The following CDH18 variants were observed in gnomAD, a reference collection of about 807,000 sequenced individuals.
The protein encoded by CDH18 is cadherin 18.
A neutral mutation model predicts 67.9 loss-of-function variants in CDH18; 31 were observed. That is an observed-to-expected ratio of 0.46 (90% CI 0.34 to 0.62). The LOEUF (loss-of-function observed/expected upper bound fraction) is 0.62, where lower values mean the gene tolerates loss of function less well. Among genes scored for constraint, CDH18 ranks in the 20% least tolerant of loss-of-function variants. CDH18 has a pLI of 0.01. For synonymous variants in CDH18, 362 were observed against 347.2 expected, an observed-to-expected ratio of 1.04 and a Z score of -0.48; for missense variants, 890 against 975.5, an observed-to-expected ratio of 0.91 and a Z score of 1.17.
At chr5:20,209,304 C>T (rs1373924694) in intron 2 of CDH18, among the ~76,000 whole-genome samples, 3 of 152,082 alleles carry the variant, frequency 2.0e-5, no homozygotes, top group Non-Finnish European at 4.4e-5. Flanking sequence ...TGTGAACTCT[C>T]ATGCTTATTG....
At chr5:20,209,998 G>A (rs1358348093) in intron 2 of CDH18, among the ~76,000 whole-genome samples, 3 of 150,906 alleles carry the variant, frequency 2.0e-5, no homozygotes, top group Non-Finnish European at 4.4e-5. Flanking sequence ...AAATAATAAT[G>A]TAAGATTAAT....
intron 1 of CDH18, among the ~76,000 whole-genome samples, chr5:20,320,857 G>A (rs1047675663): frequency 2.6e-5 from 4 of 152,112 alleles, no homozygotes; most frequent in African/African-American, 9.7e-5. Flanking sequence ...CTGCACTGCA[G>A]GCAACTCTAG....
chr5:19,837,034 A>G (rs994390813), intron 3 of CDH18, among the ~76,000 whole-genome samples: 1 of 152,162 alleles, frequency 6.6e-6, no homozygotes, highest in Non-Finnish European at 1.5e-5. Flanking sequence ...GATAAACTGG[A>G]TAAATAAAAT....
intron 3 of CDH18, among the ~76,000 whole-genome samples, chr5:19,754,224 G>C (rs1771230682): frequency 6.6e-6 from 1 of 152,066 alleles, no homozygotes; most frequent in Admixed American, 6.6e-5. Context: ...CTGCAGAATG[G>C]ATAAGAATTC....
At chr5:20,203,515 C>A (rs1313031351) in intron 2 of CDH18, among the ~76,000 whole-genome samples, 1 of 151,220 alleles carries the variant, frequency 6.6e-6, no homozygotes, top group Non-Finnish European at 1.5e-5. Flanking sequence ...TTACTACATT[C>A]AAAGAAAATC....
chr5:19,608,972 A>G (rs915612979), intron 6 of CDH18, among the ~76,000 whole-genome samples: 1 of 151,936 alleles, frequency 6.6e-6, no homozygotes, highest in African/African-American at 2.4e-5. Flanking sequence ...TTTGTTTTGT[A>G]AACTTTCATG....
chr5:20,139,387 A>G (rs1561822427), intron 2 of CDH18, among the ~76,000 whole-genome samples: 1 of 152,228 alleles, frequency 6.6e-6, no homozygotes, highest in Admixed American at 6.5e-5. Context: ...AGGAAATTCC[A>G]TTCAGGACAT....
At chr5:19,755,496 T>C (rs1038191873) in intron 3 of CDH18, among the ~76,000 whole-genome samples, 2 of 104,050 alleles carry the variant, frequency 1.9e-5, no homozygotes, top group Middle Eastern at 4.9e-3. Flanking sequence ...TATACACATA[T>C]ATATACACAC....
chr5:20,400,109 TATA>T lies in CDH18; in HGVS notation c.-579-144607_-579-144605del, dbSNP rs1399083307. 5.3e-5 allele frequency among the ~76,000 whole-genome samples: 8 copies of T among 152,340 alleles called. No homozygotes were observed. The East Asian group carries it at 1.2e-3, about 22-fold the overall frequency. ...TATTGGTGGTCACCATGTTTGATAA[TATA>T]ATAATATCGACTCATCTACATGTTT... On this transcript the variant is annotated intron_variant, in intron 1 of 14. Transcript: ENST00000507958.
chr5:20,343,952 G>T (rs1173494010), intron 1 of CDH18, among the ~76,000 whole-genome samples: 1 of 152,150 alleles, frequency 6.6e-6, no homozygotes, highest in Non-Finnish European at 1.5e-5. Context: ...AAACAGCTAA[G>T]TTAGCAGCAA....
chr5:19,709,239 T>C (rs1485220420), intron 5 of CDH18, among the ~76,000 whole-genome samples: 1 of 151,936 alleles, frequency 6.6e-6, no homozygotes, highest in Non-Finnish European at 1.5e-5. Flanking sequence ...TGATACTGCA[T>C]AGGATGGGAG....
intron 1 of CDH18, among the ~76,000 whole-genome samples, chr5:20,384,987 C>A (rs537510564): frequency 6.6e-6 from 1 of 152,114 alleles, no homozygotes; most frequent in African/African-American, 2.4e-5. Context: ...CGGGTGCCCA[C>A]CACCATGCCC....
intron 2 of CDH18, among the ~76,000 whole-genome samples, chr5:20,227,657 A>G (rs1741738922): frequency 6.6e-6 from 1 of 151,636 alleles, no homozygotes; most frequent in Admixed American, 6.6e-5. Flanking sequence ...TTTTATTTAA[A>G]TTTTATTTTT....
At chr5:19,773,259 G>A (rs1275683728) in intron 3 of CDH18, among the ~76,000 whole-genome samples, 1 of 152,104 alleles carries the variant, frequency 6.6e-6, no homozygotes. Flanking sequence ...CACATCAGAA[G>A]TCTGAAAAGG....
At chr5:19,781,119 A>AT (rs1455839468) in intron 3 of CDH18, among the ~76,000 whole-genome samples, 1 of 152,136 alleles carries the variant, frequency 6.6e-6, no homozygotes, top group Admixed American at 6.6e-5. Context: ...GTTCACTAAT[A>AT]TTTTTCACGA....
intron 2 of CDH18, among the ~76,000 whole-genome samples, chr5:19,937,867 T>C (rs1377534030): frequency 6.6e-6 from 1 of 150,844 alleles, no homozygotes; most frequent in African/African-American, 2.4e-5. Context: ...ATTGGTGGCT[T>C]GTAACATTGA....
chr5:19,748,291 C>T (rs1770393724), intron 3 of CDH18, among the ~76,000 whole-genome samples: 1 of 151,286 alleles, frequency 6.6e-6, no homozygotes, highest in Non-Finnish European at 1.5e-5. Flanking sequence ...TTAAAATTAT[C>T]AAATATTATT....
At chr5:20,445,022 C>T (rs1749903217) in intron 1 of CDH18, among the ~76,000 whole-genome samples, 1 of 152,136 alleles carries the variant, frequency 6.6e-6, no homozygotes, top group Non-Finnish European at 1.5e-5. Flanking sequence ...CCGTCTAAAG[C>T]TTTCTTTTCA....
At chr5:20,065,700 A>C (rs1561762045) in intron 2 of CDH18, among the ~76,000 whole-genome samples, 1 of 152,056 alleles carries the variant, frequency 6.6e-6, no homozygotes, top group Non-Finnish European at 1.5e-5. Flanking sequence ...TGACTATTTC[A>C]TGTAATTTAT....
Sources: gnomAD v4.1 joint callset for allele counts (sites outside exome capture counted in the v4.1 genomes callset) on GRCh38, gnomAD v4.1.1 for gene constraint, MANE v1.5 for transcripts, NCBI Gene and HGNC (gene_info 2026-07-23, HGNC 2026-07-21) for gene names.